The following XDH variants were observed in gnomAD, a reference collection of about 807,000 sequenced individuals.
The protein encoded by XDH is xanthine dehydrogenase/oxidase.
In XDH, 138 loss-of-function variants were observed where a neutral mutation model predicts 156.1. The ratio of observed to expected loss-of-function variants is 0.88; its 90% CI spans 0.77 to 1.02. The LOEUF (loss-of-function observed/expected upper bound fraction) is 1.02, where lower values mean the gene tolerates loss of function less well. XDH is among the 50% of genes least tolerant of loss of function. The pLI, the probability that XDH is intolerant of heterozygous loss-of-function variation, is 0.00. For missense variants in XDH, 1,849 were observed against 1,684.9 expected (o/e 1.10, Z -1.71); for synonymous variants, 669 against 625.7 (o/e 1.07, Z -1.03).
intron 8 of XDH, among the ~76,000 whole-genome samples, chr2:31,387,279 G>C (rs1030549986): frequency 3.9e-5 from 6 of 152,166 alleles, no homozygotes; most frequent in African/African-American, 1.4e-4. Context: ...CGAGTGGCTT[G>C]ATTCTTTCGT....
At chr2:31,396,328 A>T (rs1174787282) in intron 6 of XDH, among the ~76,000 whole-genome samples, 1 of 152,220 alleles carries the variant, frequency 6.6e-6, no homozygotes, top group Non-Finnish European at 1.5e-5. Context: ...GACTGATTAC[A>T]TTATATCACT....
At chr2:31,404,197 G>A (rs897962272) in intron 2 of XDH, among the ~76,000 whole-genome samples, 1 of 152,156 alleles carries the variant, frequency 6.6e-6, no homozygotes, top group South Asian at 2.1e-4. Context: ...GACTGGGTGA[G>A]CTCCCTTCAT....
At chr2:31,375,697 C>A in intron 14 of XDH, 143 bp from the exon 15 acceptor site, 1 of 807,772 alleles carries the variant, frequency 1.2e-6, no homozygotes, top group South Asian at 1.6e-5. Flanking sequence ...TGACTTTAGG[C>A]AACTTTAATT....
chr2:31,384,119 AGTGTGTGTGT>A lies in XDH; in HGVS notation c.794-282_794-273del, dbSNP rs3065136. ...AATGAAATGAGTTTGAATTCACTCT[AGTGTGTGTGT>A]GTGTGTGTGTGTGTGTGTGTGTGTG... is the stretch of plus-strand genomic sequence containing the variant. On this transcript the variant is annotated intron_variant, in intron 9 of 35. Coordinates refer to ENST00000379416, the MANE Select transcript of XDH (RefSeq NM_000379.4). 24 of 284,708 alleles carry A rather than the reference AGTGTGTGTGT, an allele frequency of 8.4e-5. No homozygotes were observed. The East Asian group carries it at 9.2e-4, about 11-fold the overall frequency. 17.6% of individuals were successfully genotyped at this position (284,708 alleles called of 1,614,324 possible).
chr2:31,367,490 C>T (rs1283292461), intron 20 of XDH, among the ~76,000 whole-genome samples: 2 of 152,094 alleles, frequency 1.3e-5, no homozygotes, highest in Non-Finnish European at 2.9e-5. Context: ...AAGAGGTAGT[C>T]AGCTGTGTTG....
chr2:31,370,585 A>G (rs1185138374), intron 17 of XDH, 107 bp from the exon 18 acceptor site: 1 of 1,419,866 alleles, frequency 7.0e-7, no homozygotes, highest in Non-Finnish European at 9.7e-7. Context: ...GCTCCATCCT[A>G]ATTCCTCGAT....
intron 18 of XDH, 28 bp downstream of exon 18, chr2:31,370,327 A>G: frequency 6.2e-7 from 1 of 1,612,490 alleles, no homozygotes; most frequent in Non-Finnish European, 8.5e-7. Flanking sequence ...TATTCAATTT[A>G]CTTCATATAA....
At chr2:31,409,594 T>C (rs1687287190) in intron 1 of XDH, among the ~76,000 whole-genome samples, 1 of 152,180 alleles carries the variant, frequency 6.6e-6, no homozygotes. Flanking sequence ...GGCAAAGGAC[T>C]TGAATAGACA....
chr2:31,392,745 T>C (rs1275177445), intron 6 of XDH, among the ~76,000 whole-genome samples: 2 of 152,218 alleles, frequency 1.3e-5, no homozygotes, highest in East Asian at 3.8e-4. Flanking sequence ...TTAATCTTCC[T>C]TTCTAATATA....
At position 31,349,760 on chromosome 2, in the gene XDH, CA is replaced by C; in HGVS notation, c.2894del (p.Leu965CysfsTer9). On this transcript the variant is annotated frameshift_variant, in exon 26 of 36. Transcript: ENST00000379416. LOFTEE classifies it high-confidence loss of function. ...CTAGGCATTCTTCCCAGCATCTGGG[CA>C]AGGTGAAACCCTCAAGCTTCTGGTT... The part of the protein sequence containing the change: ...HFNQKLEGFT[L>X]PRCWEECLAS... 2 of 1,614,172 alleles carry C rather than the reference CA, an allele frequency of 1.2e-6. No homozygotes were observed. Among genetic ancestry groups the C allele is most frequent in the Non-Finnish European group, 1.7e-6 (2 of 1,180,034 alleles).
In XDH at chr2:31,349,823, T is replaced by C. The variant is rs776261460; in HGVS notation, c.2832A>G (p.Arg944=). 1.9e-5 allele frequency: 31 copies of C among 1,613,960 alleles called. No individual in the cohort carries two copies. Among genetic ancestry groups the C allele is most frequent in the Non-Finnish European group, 2.5e-5 (30 of 1,180,014 alleles). Residue 944 remains arginine, a synonymous_variant, in exon 26 of 36, where the codon AGA becomes AGG. Coordinates refer to ENST00000379416, the MANE Select transcript of XDH (RefSeq NM_000379.4). ...TCGMPAEEVR[R]KNLYKEGDLT... The stretch of plus-strand genomic sequence containing the variant: ...GGTCCCCTTCTTTGTACAGGTTTTT[T>C]CTCCGCACCTTCCCAAGGAGAGAGA...
intron 24 of XDH, among the ~76,000 whole-genome samples, chr2:31,356,264 G>T (rs529058311): frequency 1.3e-5 from 2 of 152,228 alleles, no homozygotes; most frequent in African/African-American, 4.8e-5. Flanking sequence ...ACCACCATCA[G>T]GATCTAGTGG....
Position 31,368,002 on chromosome 2 carries a change from T to A in XDH, c.2156A>T (p.Asp719Val), listed in dbSNP as rs768309080. The change falls in exon 20 of 36, where the codon GAC becomes GTC. Residue 719 changes from aspartate (D) to valine (V), a missense_variant. Transcript: ENST00000379416. ...YGPELKIEKG[D>V]LKKGFSEADN... is the part of the protein sequence containing the mutation. The stretch of plus-strand genomic sequence containing the variant: ...TGCTTCGGAAAACCCCTTCTTTAGG[T>A]CCCCTTTCTCGATCTTCAGCTCAGG... The A allele has an allele frequency of 9.3e-6, 15 of 1,614,044 alleles. No individual in the cohort carries two copies. The highest frequency in any genetic ancestry group is 1.2e-5 in the Non-Finnish European group (14 of 1,180,014).
chr2:31,405,840 G>A, intron 2 of XDH, 67 bp downstream of exon 2: 1 of 1,581,832 alleles, frequency 6.3e-7, no homozygotes, highest in Non-Finnish European at 8.7e-7. Context: ...AGGAAACAAT[G>A]TAAGGCCTAC....
intron 1 of XDH, among the ~76,000 whole-genome samples, chr2:31,410,992 A>T (rs1687326612): frequency 6.6e-6 from 1 of 152,206 alleles, no homozygotes; most frequent in African/African-American, 2.4e-5. Flanking sequence ...TTGTAAGAAT[A>T]TATTTATTCT....
chr2:31,348,030 A>G (rs1298758293), intron 28 of XDH, among the ~76,000 whole-genome samples: 1 of 152,216 alleles, frequency 6.6e-6, no homozygotes, highest in Admixed American at 6.5e-5. Flanking sequence ...TGCCCGCCTC[A>G]CACACTGAGA....
intron 4 of XDH, among the ~76,000 whole-genome samples, chr2:31,400,584 A>T (rs1687031275): frequency 6.6e-6 from 1 of 152,044 alleles, no homozygotes. Flanking sequence ...TGTCTCCCCA[A>T]ACCAGTCTAA....
chr2:31,392,803 C>A (rs1186891722), intron 6 of XDH, among the ~76,000 whole-genome samples: 1 of 152,204 alleles, frequency 6.6e-6, no homozygotes, highest in African/African-American at 2.4e-5. Flanking sequence ...TTCACTGCAT[C>A]TTGCAAATTT....
At chr2:31,414,483 G>A (rs904370257) in intron 1 of XDH, 142 bp downstream of exon 1, 10 of 1,246,326 alleles carry the variant, frequency 8.0e-6, no homozygotes, top group Admixed American at 3.4e-5. Flanking sequence ...AAAATGCAGC[G>A]ACACCTTTAA....
Sources: gnomAD v4.1 joint callset for allele counts (sites outside exome capture counted in the v4.1 genomes callset) on GRCh38, gnomAD v4.1.1 for gene constraint, MANE v1.5 for transcripts, NCBI Gene and HGNC (gene_info 2026-07-23, HGNC 2026-07-21) for gene names.